The following GRK6 variants were observed in gnomAD, a reference collection of about 807,000 sequenced individuals.
GRK6 encodes the protein G protein-coupled receptor kinase 6.
In GRK6, 37 loss-of-function variants were observed where a neutral mutation model predicts 80.8. The ratio of observed to expected loss-of-function variants is 0.46; its 90% CI spans 0.35 to 0.60. The LOEUF is 0.60. GRK6 is among the 20% of genes least tolerant of loss of function. The pLI is 0.00. For missense variants in GRK6, 560 were observed against 784.6 expected (o/e 0.71, Z 3.42); for synonymous variants, 295 against 320.9 (o/e 0.92, Z 0.86).
rs1763919876 is a variant in GRK6, at chr5:177,432,033, G to A, written c.187G>A (p.Gly63Arg). The change falls in exon 3 of 16, where the codon GGG becomes AGG. Residue 63 changes from glycine (G) to arginine (R), a missense_variant. Transcript: ENST00000355472. ...YHSLCERQPI[G>R]RLLFREFCAT... is the part of the protein sequence containing the mutation. ...CAGCCTGTGCGAGCGGCAGCCCATT[G>A]GGCGCCTGCTGTTCCGAGAGTTCTG... 1.2e-6 allele frequency: 2 copies of A among 1,613,232 alleles called. No individual in the cohort carries two copies. Among genetic ancestry groups the A allele is most frequent in the African/African-American group, 1.3e-5 (1 of 74,932 alleles).
chr5:177,436,147 A>T lies in GRK6; in HGVS notation c.1132A>T (p.Met378Leu), dbSNP rs1294588961. The T allele has an allele frequency of 2.5e-6, 4 of 1,614,128 alleles. No individual in the cohort carries two copies. In the East Asian group the frequency reaches 8.9e-5, roughly 36 times the overall value. Residue 378 changes from methionine (M) to leucine (L), a missense_variant, in exon 12 of 16, where the codon ATG becomes TTG. By Grantham distance (15) the Met-to-Leu change is conservative. This residue lies in a region of GRK6 where 294 missense variants were observed against 397.4 expected (regional missense o/e 0.74). Transcript: ENST00000355472. ...WWALGCLLYE[M>L]IAGQSPFQQR... ...GGCGCTCGGCTGCCTCCTGTACGAGATGATCGCAGGCCAGTCGCCCTTCCA... is the reference window on the plus strand; with the variant it reads ...GGCGCTCGGCTGCCTCCTGTACGAGTTGATCGCAGGCCAGTCGCCCTTCCA...
intron 4 of GRK6, 82 bp from the exon 5 acceptor site, chr5:177,432,624 G>A (rs1374797634): frequency 1.2e-5 from 12 of 983,350 alleles, no homozygotes; most frequent in Non-Finnish European, 1.7e-5. Flanking sequence ...GCACCAGCCC[G>A]AGTTGCCTGA....
chr5:177,426,699 C>CGGCCAGGGA lies in GRK6; in HGVS notation c.-143_-142insAGGGAGGCC, dbSNP rs1763685872. 4.1e-6 allele frequency: 1 copy of CGGCCAGGGA among 243,100 alleles called. No homozygotes were observed. Among genetic ancestry groups the CGGCCAGGGA allele is most frequent in the African/African-American group, 2.3e-5 (1 of 42,912 alleles). 15.1% of individuals were successfully genotyped at this position (243,100 alleles called of 1,614,324 possible). A position where few individuals can be genotyped will look rare whatever the true frequency, so the allele number is the denominator to read the frequency against. ...GCGGAGAGTGCGCGGCTGGCTGCGGCGGCCGGGGAGGCCGGGGAGGCCGCG... is the reference window on the plus strand; with the variant it reads ...GCGGAGAGTGCGCGGCTGGCTGCGGCGGCCAGGGAGGCCGGGGAGGCCGGGGAGGCCGCG... On this transcript the variant is annotated 5_prime_UTR_variant, in exon 1 of 16. Coordinates refer to ENST00000355472, the MANE Select transcript of GRK6 (RefSeq NM_001004106.3).
chr5:177,436,011 T>A, intron 11 of GRK6, 62 bp from the exon 12 acceptor site: 1 of 1,448,400 alleles, frequency 6.9e-7, no homozygotes, highest in Non-Finnish European at 9.6e-7. Flanking sequence ...CTGGCGTTCC[T>A]GGGGCCTGAG....
chr5:177,433,280 C>CGGG, intron 6 of GRK6, 41 bp downstream of exon 6: 1 of 1,613,514 alleles, frequency 6.2e-7, no homozygotes, highest in Non-Finnish European at 8.5e-7. Flanking sequence ...GCCAGGTCGC[C>CGGG]GGGGTTCTTC....
chr5:177,439,426 C>T (rs1764343686), intron 13 of GRK6, among the ~76,000 whole-genome samples: 1 of 151,746 alleles, frequency 6.6e-6, no homozygotes, highest in South Asian at 2.1e-4. Flanking sequence ...GGTAATCTCA[C>T]CTACTTGGGA....
chr5:177,437,424 A>G (rs1392455796), intron 13 of GRK6, among the ~76,000 whole-genome samples: 1 of 152,120 alleles, frequency 6.6e-6, no homozygotes, highest in Non-Finnish European at 1.5e-5. Flanking sequence ...CTACAATGCA[A>G]TTGCCAGCAG....
At chr5:177,431,048 C>T (rs867755) in intron 2 of GRK6, 81 bp downstream of exon 2, 529,519 of 1,195,788 alleles carry the variant, frequency 0.44, 123,845 homozygotes, top group Non-Finnish European at 0.49. Flanking sequence ...GACCTTGCCC[C>T]GGAGCAGAGG....
rs752781110 is a variant in GRK6 at position 177,440,965 on chromosome 5, A to C, written c.1589A>C (p.Asp530Ala). 1 of 1,613,950 alleles carries C rather than the reference A, an allele frequency of 6.2e-7. No individual in the cohort carries two copies. Among genetic ancestry groups the C allele is most frequent in the South Asian group, 1.1e-5 (1 of 91,086 alleles). The change falls in exon 15 of 16, where the codon GAT (aspartate) becomes GCT (alanine). Residue 530 changes from aspartate (D) to alanine (A), a missense_variant. Physicochemically the swap from Asp to Ala is moderately radical, Grantham distance 126. Around this residue, in one of 3 missense-constraint regions of GRK6, gnomAD observed 294 missense variants for 397.4 expected, o/e 0.74. Coordinates refer to ENST00000355472, the MANE Select transcript of GRK6 (RefSeq NM_001004106.3). ...CAAGAGCTGAATGTCTTTGGGCTGG[A>C]TGGCTCAGTTCCCCCAGACCTGGAC... is the stretch of plus-strand genomic sequence containing the variant. Reference protein sequence around the residue: ...CFQELNVFGLDGSVPPDLDWK... With the variant: ...CFQELNVFGLAGSVPPDLDWK...
chr5:177,436,688 C>T, intron 13 of GRK6, 158 bp downstream of exon 13: 4 of 757,178 alleles, frequency 5.3e-6, no homozygotes, highest in Non-Finnish European at 2.1e-6. Flanking sequence ...AAGGAAAAGC[C>T]CCAGGATGGG....
At chr5:177,433,826 G>A (rs906448998) in intron 8 of GRK6, 88 bp from the exon 9 acceptor site, 1 of 1,485,146 alleles carries the variant, frequency 6.7e-7, no homozygotes, top group Non-Finnish European at 9.0e-7. Flanking sequence ...TGGGCCCAAG[G>A]AGTGGCACCG....
chr5:177,431,557 C>T (rs937486619), intron 2 of GRK6, among the ~76,000 whole-genome samples: 1 of 152,252 alleles, frequency 6.6e-6, no homozygotes, highest in Non-Finnish European at 1.5e-5. Flanking sequence ...GCTTCCACCT[C>T]CTGGGAAGGA....
Position 177,433,674 on chromosome 5 carries a change from G to T in GRK6, c.736G>T (p.Val246Leu). The change falls in exon 8 of 16, where the codon GTA becomes TTA. Residue 246 changes from valine (V) to leucine (L), a missense_variant and splice_region_variant. By Grantham distance (32) the Val-to-Leu change is conservative (BLOSUM62 1). Coordinates refer to ENST00000355472, the MANE Select transcript of GRK6 (RefSeq NM_001004106.3). ...CCTGGAGAAAGTGAACAGTAGGTTT[G>T]TAGTAAGTACAGAAGGAGACTCTCC... Reference protein sequence around the residue: ...QILEKVNSRFVVSLAYAYETK... With the variant: ...QILEKVNSRFLVSLAYAYETK... 6.2e-7 allele frequency: 1 copy of T among 1,614,090 alleles called. No homozygotes were observed. Among genetic ancestry groups the T allele is most frequent in the Non-Finnish European group, 8.5e-7 (1 of 1,180,014 alleles).
At chr5:177,441,443 T>G in intron 15 of GRK6, 1 of 688,556 alleles carries the variant, frequency 1.5e-6, no homozygotes, top group Non-Finnish European at 2.4e-6. Flanking sequence ...CCCCGTGCCC[T>G]GTCTCTGCCA....
chr5:177,426,736 G>GCGAGCCGAGCCGAGCCGCGC lies in GRK6; in HGVS notation c.-102_-83dup. The GCGAGCCGAGCCGAGCCGCGC allele has an allele frequency of 1.8e-6, 1 of 549,384 alleles. No homozygotes were observed. The highest frequency in any genetic ancestry group is 2.1e-5 in the African/African-American group (1 of 48,530). 34.0% of individuals were successfully genotyped at this position (549,384 alleles called of 1,614,324 possible). ...CCGGGGAGGCCGCGGCGCGGTCACT[G>GCGAGCCGAGCCGAGCCGCGC]CGAGCCGAGCCGAGCCGCGCCGAGC... On this transcript the variant is annotated 5_prime_UTR_variant, in exon 1 of 16. Transcript: ENST00000355472.
intron 15 of GRK6, chr5:177,441,265 C>T (rs1002274030): frequency 1.3e-6 from 2 of 1,564,344 alleles, no homozygotes; most frequent in Non-Finnish European, 1.7e-6. Flanking sequence ...TGTGGGCTCC[C>T]CGTGGGTTGG....
In GRK6 at chr5:177,442,251, C is replaced by G. The variant is rs1161670014; in HGVS notation, c.*461C>G. 5.7e-6 allele frequency: 1 copy of G among 175,860 alleles called. No homozygotes were observed. The highest frequency in any genetic ancestry group is 5.8e-5 in the Admixed American group (1 of 17,194). 10.9% of individuals were successfully genotyped at this position (175,860 alleles called of 1,614,324 possible). ...GCCTTCAGCACTGTGCTGGCCACCCCGGCCTCTGAGTAAGACTCGTGCCTC... is the reference window on the plus strand; with the variant it reads ...GCCTTCAGCACTGTGCTGGCCACCCGGGCCTCTGAGTAAGACTCGTGCCTC... On this transcript the variant is annotated 3_prime_UTR_variant, in exon 16 of 16. Transcript: ENST00000355472.
rs759530023 is a variant in GRK6 at position 177,426,901 on chromosome 5, AGGCGGCCGGGTG to A, written c.52+15_52+26del. Reference sequence around the variant, plus strand: ...GTGCTACTCAAGGCCCGGGAAGGTGAGGCGGCCGGGTGGGCGGCCGGGCCCGGGTGCGTGGAG... The same window carrying A: ...GTGCTACTCAAGGCCCGGGAAGGTGAGGCGGCCGGGCCCGGGTGCGTGGAG... On this transcript the variant is annotated splice_donor_5th_base_variant and intron_variant, in intron 1 of 15. Transcript: ENST00000355472. 6 of 1,390,646 alleles carry A rather than the reference AGGCGGCCGGGTG, an allele frequency of 4.3e-6. No individual in the cohort carries two copies. Among genetic ancestry groups the A allele is most frequent in the Admixed American group, 2.5e-5 (1 of 40,760 alleles). The allele number at this position is 1,390,646 out of a possible 1,614,324, so 86.1% of individuals were successfully genotyped here. A position where few individuals can be genotyped will look rare whatever the true frequency, so the allele number is the denominator to read the frequency against.
chr5:177,441,627 A>G (rs1490202751), intron 15 of GRK6, 110 bp from the exon 16 acceptor site: 26 of 914,756 alleles, frequency 2.8e-5, no homozygotes, highest in South Asian at 1.3e-5. Context: ...TGCACCCCTC[A>G]GGCAGCTCCT....
Sources: gnomAD v4.1 joint callset for allele counts (sites outside exome capture counted in the v4.1 genomes callset) on GRCh38, gnomAD v4.1.1 for gene constraint, gnomAD v4.1.1 regional missense constraint, MANE v1.5 for transcripts, NCBI Gene and HGNC (gene_info 2026-07-23, HGNC 2026-07-21) for gene names.